Variants in DNAJC1 observed in about 807,000 individuals in gnomAD.
DNAJC1 encodes the protein dnaJ homolog subfamily C member 1.
In DNAJC1, 58 loss-of-function variants were observed where a neutral mutation model predicts 76.6. The observed-to-expected ratio is 0.76, with a 90% CI of 0.61 to 0.94. DNAJC1 has a LOEUF of 0.94. Ranked by LOEUF, DNAJC1 falls within the 40% of genes least tolerant of loss-of-function variation. The pLI is 0.00. For missense variants in DNAJC1, 689 were observed against 677.3 expected, an observed-to-expected ratio of 1.02 and a Z score of -0.19; for synonymous variants, 258 against 267.9, an observed-to-expected ratio of 0.96 and a Z score of 0.36.
chr10:21,946,930 G>A (rs1837515305), intron 1 of DNAJC1, among the ~76,000 whole-genome samples: 1 of 152,180 alleles, frequency 6.6e-6, no homozygotes. Flanking sequence ...CCTCATGAAC[G>A]GATTAATGGC....
chr10:21,782,203 G>T (rs569103859), intron 9 of DNAJC1, among the ~76,000 whole-genome samples: 1 of 152,146 alleles, frequency 6.6e-6, no homozygotes. Context: ...AAATGATAAA[G>T]GGGATATCAC....
At chr10:21,786,809 C>A (rs528108659) in intron 9 of DNAJC1, among the ~76,000 whole-genome samples, 1 of 152,154 alleles carries the variant, frequency 6.6e-6, no homozygotes, top group South Asian at 2.1e-4. Flanking sequence ...ACCATCTATC[C>A]CTACCTGATA....
At chr10:21,828,102 A>G (rs1391204238) in intron 8 of DNAJC1, among the ~76,000 whole-genome samples, 1 of 152,232 alleles carries the variant, frequency 6.6e-6, no homozygotes. Flanking sequence ...GCCAACATCT[A>G]ATTTTGACTT....
At chr10:21,993,622 T>A (rs1285789992) in intron 1 of DNAJC1, among the ~76,000 whole-genome samples, 1 of 152,184 alleles carries the variant, frequency 6.6e-6, no homozygotes, top group Non-Finnish European at 1.5e-5. Context: ...TTTTCATTTA[T>A]ATTTGTATTT....
At chr10:21,835,038 G>A (rs1307449774) in intron 8 of DNAJC1, among the ~76,000 whole-genome samples, 1 of 152,298 alleles carries the variant, frequency 6.6e-6, no homozygotes, top group East Asian at 1.9e-4. Flanking sequence ...CCTCAAGTGG[G>A]TCCCTGATCC....
At chr10:21,886,424 T>C (rs1464330256) in intron 7 of DNAJC1, among the ~76,000 whole-genome samples, 2 of 152,154 alleles carry the variant, frequency 1.3e-5, no homozygotes, top group Non-Finnish European at 2.9e-5. Flanking sequence ...GTATCATTCC[T>C]ACAGAAACAA....
At chr10:21,892,148 C>G (rs1016731777) in intron 7 of DNAJC1, among the ~76,000 whole-genome samples, 1 of 150,814 alleles carries the variant, frequency 6.6e-6, no homozygotes, top group Non-Finnish European at 1.5e-5. Context: ...AAAAGTGATA[C>G]AAAGAAATAT....
At chr10:21,977,818 TTC>T (rs1191007392) in intron 1 of DNAJC1, among the ~76,000 whole-genome samples, 2 of 152,284 alleles carry the variant, frequency 1.3e-5, no homozygotes, top group African/African-American at 2.4e-5. Flanking sequence ...AATCAGTGTT[TTC>T]TCTCTTTTGG....
chr10:21,855,601 T>G (rs1183321905), intron 8 of DNAJC1, among the ~76,000 whole-genome samples: 4 of 152,202 alleles, frequency 2.6e-5, no homozygotes, highest in Non-Finnish European at 4.4e-5. Context: ...AATAGGTGAC[T>G]GCTAGGGTAA....
intron 8 of DNAJC1, among the ~76,000 whole-genome samples, chr10:21,817,666 C>T (rs930430589): frequency 1.1e-4 from 16 of 152,154 alleles, no homozygotes; most frequent in Non-Finnish European, 1.5e-5. Flanking sequence ...ATAAATGTTG[C>T]AGGAAGTCAG....
At chr10:21,874,243 C>T (rs116208417) in intron 8 of DNAJC1, among the ~76,000 whole-genome samples, 1,639 of 151,946 alleles carry the variant, frequency 0.011, 27 homozygotes, top group African/African-American at 0.037. Flanking sequence ...TAGTGAGATG[C>T]CGTCCAAACA....
chr10:21,973,596 T>G (rs1475975062), intron 1 of DNAJC1, among the ~76,000 whole-genome samples: 1 of 152,142 alleles, frequency 6.6e-6, no homozygotes, highest in African/African-American at 2.4e-5. Flanking sequence ...TCCTCAAATA[T>G]GCAGTTGTAC....
chr10:21,929,553 G>C (rs905071051), intron 1 of DNAJC1, among the ~76,000 whole-genome samples: 1 of 152,070 alleles, frequency 6.6e-6, no homozygotes, highest in Admixed American at 6.5e-5. Context: ...TGAATCCCGG[G>C]CTAACCATAT....
intron 8 of DNAJC1, among the ~76,000 whole-genome samples, chr10:21,852,632 T>C (rs1489471467): frequency 6.6e-6 from 1 of 152,160 alleles, no homozygotes; most frequent in Non-Finnish European, 1.5e-5. Context: ...GGTGGATGTA[T>C]AAATTGGTTA....
chr10:22,001,081 C>G (rs943966813), intron 1 of DNAJC1, among the ~76,000 whole-genome samples: 1 of 152,184 alleles, frequency 6.6e-6, no homozygotes, highest in Non-Finnish European at 1.5e-5. Flanking sequence ...GAATTATAAG[C>G]TTAGGGGTTT....
At chr10:21,918,644 A>C (rs1836991560) in intron 6 of DNAJC1, 135 bp downstream of exon 6, 3 of 603,594 alleles carry the variant, frequency 5.0e-6, no homozygotes, top group Non-Finnish European at 8.7e-6. Flanking sequence ...GGTTTAACTT[A>C]TAAAAATCCT....
intron 1 of DNAJC1, among the ~76,000 whole-genome samples, chr10:21,988,777 T>C (rs1590082072): frequency 6.6e-6 from 1 of 152,310 alleles, no homozygotes; most frequent in East Asian, 1.9e-4. Flanking sequence ...AATATATTTA[T>C]AAAGGGTCAA....
intron 1 of DNAJC1, among the ~76,000 whole-genome samples, chr10:21,940,349 A>C (rs1271254178): frequency 6.6e-6 from 1 of 152,186 alleles, no homozygotes; most frequent in Non-Finnish European, 1.5e-5. Context: ...GTTAAAGTCA[A>C]CTGCCTTTGG....
At chr10:21,838,687 TCAA>T (rs1296827760) in intron 8 of DNAJC1, among the ~76,000 whole-genome samples, 1 of 151,922 alleles carries the variant, frequency 6.6e-6, no homozygotes, top group African/African-American at 2.4e-5. Flanking sequence ...ATTAGACAGA[TCAA>T]CGAGACAGAA....
Sources: allele counts gnomAD v4.1 joint callset (sites outside exome capture counted in the v4.1 genomes callset), GRCh38; gene constraint gnomAD v4.1.1; transcripts MANE v1.5; gene names NCBI Gene and HGNC (gene_info 2026-07-23, HGNC 2026-07-21).